The following PRKCA variants were observed in gnomAD, a reference collection of about 807,000 sequenced individuals.
The protein encoded by PRKCA is protein kinase C alpha.
Under a neutral mutation model 87.0 loss-of-function variants are expected in PRKCA, and 27 were observed. The observed-to-expected ratio is 0.31, with a 90% CI of 0.23 to 0.43. PRKCA has a LOEUF of 0.43. Among genes scored for constraint, PRKCA ranks in the 20% least tolerant of loss-of-function variants. PRKCA has a pLI of 1.00. For synonymous variants in PRKCA, 329 were observed against 311.1 expected (o/e 1.06, Z -0.61); for missense variants, 518 against 852.3 (o/e 0.61, Z 4.88).
At chr17:66,509,184 G>A (rs201585218) in intron 3 of PRKCA, among the ~76,000 whole-genome samples, 6 of 106,394 alleles carry the variant, frequency 5.6e-5, no homozygotes, top group East Asian at 3.8e-4. Flanking sequence ...GTGTATGTGT[G>A]TGTGTGTGTG....
chr17:66,787,355 G>T (rs558157630), intron 15 of PRKCA, among the ~76,000 whole-genome samples: 1 of 152,102 alleles, frequency 6.6e-6, no homozygotes, highest in African/African-American at 2.4e-5. Context: ...GAAAGTGAAG[G>T]CCAAGAGAAT....
At chr17:66,352,558 G>GTTTTTTT (rs56317931) in intron 2 of PRKCA, among the ~76,000 whole-genome samples, 66 of 83,754 alleles carry the variant, frequency 7.9e-4, no homozygotes, top group Non-Finnish European at 1.1e-3. Context: ...GTTTTTTGAG[G>GTTTTTTT]TTTTTTTTTT....
chr17:66,424,130 A>G (rs1415713752), intron 2 of PRKCA, among the ~76,000 whole-genome samples: 2 of 152,114 alleles, frequency 1.3e-5, no homozygotes, highest in Non-Finnish European at 2.9e-5. Flanking sequence ...CCTTAGTCAA[A>G]GGCTTTGTCT....
intron 5 of PRKCA, among the ~76,000 whole-genome samples, chr17:66,681,778 C>CGTGAGTGGTCA (rs1972501623): frequency 6.6e-6 from 1 of 152,316 alleles, no homozygotes; most frequent in African/African-American, 2.4e-5. Flanking sequence ...ACCTGCAGCA[C>CGTGAGTGGTCA]CCATTCACGT....
intron 2 of PRKCA, among the ~76,000 whole-genome samples, chr17:66,326,232 T>C (rs1202956407): frequency 6.6e-6 from 1 of 152,208 alleles, no homozygotes; most frequent in Non-Finnish European, 1.5e-5. Flanking sequence ...CATTTTGTTT[T>C]TTCTCATGAC....
chr17:66,417,975 C>G (rs770435750), intron 2 of PRKCA, among the ~76,000 whole-genome samples: 29 of 152,306 alleles, frequency 1.9e-4, no homozygotes, highest in South Asian at 4.1e-4. Context: ...GTTGCACACT[C>G]TCTGTTTTAT....
At chr17:66,670,784 C>T (rs1972158467) in intron 5 of PRKCA, among the ~76,000 whole-genome samples, 1 of 151,974 alleles carries the variant, frequency 6.6e-6, no homozygotes, top group South Asian at 2.1e-4. Flanking sequence ...ATTGCTTGAG[C>T]ACAGGAGGTC....
intron 2 of PRKCA, among the ~76,000 whole-genome samples, chr17:66,484,938 C>T (rs1212600722): frequency 6.7e-6 from 1 of 149,914 alleles, no homozygotes; most frequent in East Asian, 2.0e-4. Flanking sequence ...TTAGGACATA[C>T]ACCTTGGCTT....
intron 8 of PRKCA, among the ~76,000 whole-genome samples, chr17:66,699,252 AT>A (rs1404941624): frequency 2.7e-5 from 4 of 150,670 alleles, no homozygotes; most frequent in Non-Finnish European, 4.4e-5. Flanking sequence ...CTAAGAGTTG[AT>A]TTTTTTGAAA....
At chr17:66,709,831 A>G (rs551332898) in intron 8 of PRKCA, among the ~76,000 whole-genome samples, 4 of 152,186 alleles carry the variant, frequency 2.6e-5, no homozygotes, top group Admixed American at 2.6e-4. Context: ...CTTCCAAGAT[A>G]TTGAAGAGCC....
At chr17:66,531,507 A>T (rs1489323841) in intron 3 of PRKCA, among the ~76,000 whole-genome samples, 1 of 152,070 alleles carries the variant, frequency 6.6e-6, no homozygotes, top group Non-Finnish European at 1.5e-5. Context: ...GATTATTTTC[A>T]CCTGTGGATG....
intron 5 of PRKCA, among the ~76,000 whole-genome samples, chr17:66,652,641 A>G (rs1477981342): frequency 6.6e-6 from 1 of 152,202 alleles, no homozygotes; most frequent in African/African-American, 2.4e-5. Flanking sequence ...TAGTGACTCT[A>G]GAAAGTGATA....
At chr17:66,595,882 A>G (rs1016551240) in intron 3 of PRKCA, among the ~76,000 whole-genome samples, 6 of 152,202 alleles carry the variant, frequency 3.9e-5, no homozygotes, top group African/African-American at 1.2e-4. Flanking sequence ...GGTTAAATCT[A>G]TTACCACCGA....
intron 2 of PRKCA, among the ~76,000 whole-genome samples, chr17:66,495,357 G>A (rs1237265036): frequency 6.6e-6 from 1 of 152,040 alleles, no homozygotes; most frequent in African/African-American, 2.4e-5. Flanking sequence ...TTGCATTTGT[G>A]TCTGAATGAG....
intron 3 of PRKCA, among the ~76,000 whole-genome samples, chr17:66,550,238 C>T (rs754821748): frequency 6.6e-6 from 1 of 152,208 alleles, no homozygotes; most frequent in Non-Finnish European, 1.5e-5. Context: ...AGCCAGCATT[C>T]TCTCACAAAG....
intron 2 of PRKCA, among the ~76,000 whole-genome samples, chr17:66,388,659 C>T (rs4395109): frequency 1 from 152,028 of 152,318 alleles, 75,869 homozygotes; most frequent in Non-Finnish European, 1. Flanking sequence ...GGCCTCTCCA[C>T]ACCATAAGTA....
At chr17:66,398,300 T>A (rs1020283337) in intron 2 of PRKCA, 1 of 152,196 alleles carries the variant, frequency 6.6e-6, no homozygotes, top group African/African-American at 2.4e-5. Flanking sequence ...ATCTGCCACA[T>A]GCAGACACGA....
At chr17:66,521,845 G>A (rs551459276) in intron 3 of PRKCA, among the ~76,000 whole-genome samples, 2 of 152,302 alleles carry the variant, frequency 1.3e-5, no homozygotes, top group East Asian at 3.9e-4. Flanking sequence ...TTGACTCCTT[G>A]AAAGGCAAGA....
intron 2 of PRKCA, among the ~76,000 whole-genome samples, chr17:66,398,604 T>G (rs1167774585): frequency 6.6e-6 from 1 of 152,092 alleles, no homozygotes; most frequent in African/African-American, 2.4e-5. Context: ...TGTGGTTTAA[T>G]CAGACAATTT....
Sources: gnomAD v4.1 joint callset for allele counts (sites outside exome capture counted in the v4.1 genomes callset) on GRCh38, gnomAD v4.1.1 for gene constraint, MANE v1.5 for transcripts, NCBI Gene and HGNC (gene_info 2026-07-23, HGNC 2026-07-21) for gene names.